THOC6: variants seen among roughly 807,000 people sequenced by gnomAD.
THOC6 encodes THO complex subunit 6.
Under a neutral mutation model 55.8 loss-of-function variants are expected in THOC6, and 39 were observed. That is an observed-to-expected ratio of 0.70 (90% CI 0.54 to 0.91). THOC6 has a LOEUF of 0.91. Ranked by LOEUF, THOC6 falls within the 40% of genes least tolerant of loss-of-function variation. THOC6 has a pLI of 0.00. For missense variants in THOC6, 482 were observed against 442.0 expected, an observed-to-expected ratio of 1.09 and a Z score of -0.81; for synonymous variants, 192 against 175.6, an observed-to-expected ratio of 1.09 and a Z score of -0.74.
Position 3,027,329 on chromosome 16 carries a change from AG to A in THOC6, c.811-36del, listed in dbSNP as rs776891148. 2.5e-6 allele frequency: 4 copies of A among 1,614,034 alleles called. 1 individual carries two copies. The Middle Eastern group carries it at 4.9e-4, about 200-fold the overall frequency. Reference sequence around the variant, plus strand: ...GCCACCCCCACTGACTCTTCCCTTCAGTCCTGACCCCTGAGCACCTTCCCTG... The same window carrying A: ...GCCACCCCCACTGACTCTTCCCTTCATCCTGACCCCTGAGCACCTTCCCTG... On this transcript the variant is annotated intron_variant, in intron 11 of 12. Coordinates refer to ENST00000326266, the MANE Select transcript of THOC6 (RefSeq NM_024339.5).
At chr16:3,025,332 G>C (rs1410785373) in intron 1 of THOC6, among the ~76,000 whole-genome samples, 1 of 152,218 alleles carries the variant, frequency 6.6e-6, no homozygotes. Context: ...TGGATTACAG[G>C]CATGAACCAC....
At position 3,025,920 on chromosome 16, in the gene THOC6, G is replaced by A. The variant is rs769298811; in HGVS notation, c.156-4G>A. ...CTCCTGGGTCCCCTCCGCTGTCCCT[G>A]CAGCTTGTCCTCTGCTTTGAGCTCA... is the stretch of plus-strand genomic sequence containing the variant. On this transcript the variant is annotated splice_region_variant and splice_polypyrimidine_tract_variant and intron_variant, in intron 2 of 12. Transcript: ENST00000326266. 2.5e-6 allele frequency: 4 copies of A among 1,614,212 alleles called. No individual in the cohort carries two copies. In the South Asian group the frequency reaches 4.4e-5, roughly 18 times the overall value.
rs762107456 is a variant in THOC6, at chr16:3,027,663, G to A, written c.*6G>A. 1 of 1,613,376 alleles carries A rather than the reference G, an allele frequency of 6.2e-7. No individual in the cohort carries two copies. Among genetic ancestry groups the A allele is most frequent in the Non-Finnish European group, 8.5e-7 (1 of 1,179,790 alleles). On this transcript the variant is annotated 3_prime_UTR_variant, in exon 13 of 13. Coordinates refer to ENST00000326266, the MANE Select transcript of THOC6 (RefSeq NM_024339.5). ...CCTTCTCCCTGTCCTTCTGATCTCTGACGACACCCCCAGCCAGCTCAGGGT... is the reference window on the plus strand; with the variant it reads ...CCTTCTCCCTGTCCTTCTGATCTCTAACGACACCCCCAGCCAGCTCAGGGT...
intron 1 of THOC6, among the ~76,000 whole-genome samples, chr16:3,025,331 G>T (rs1302973712): frequency 6.6e-6 from 1 of 152,142 alleles, no homozygotes; most frequent in Non-Finnish European, 1.5e-5. Context: ...CTGGATTACA[G>T]GCATGAACCA....
intron 7 of THOC6, 24 bp from the exon 8 acceptor site, chr16:3,026,655 C>T: frequency 6.2e-7 from 1 of 1,610,678 alleles, no homozygotes; most frequent in Non-Finnish European, 8.5e-7. Context: ...AGGTCTCCTC[C>T]TGACATCGCC....
Position 3,025,631 on chromosome 16 carries a change from T to C in THOC6, c.40-77T>C. The stretch of plus-strand genomic sequence containing the variant: ...GGACAGTGGGAGGCCTGGCAGGTTT[T>C]GGGGGAAGCAGGGAGGAATCTGTGG... On this transcript the variant is annotated intron_variant, in intron 1 of 12. Transcript: ENST00000326266. The C allele has an allele frequency of 3.6e-6, 5 of 1,402,250 alleles. No homozygotes were observed. The South Asian group carries it at 5.9e-5, about 17-fold the overall frequency. The allele number at this position is 1,402,250 out of a possible 1,614,324, so 86.9% of individuals were successfully genotyped here.
In THOC6 at chr16:3,027,183, G is replaced by A. The variant is rs765990077; in HGVS notation, c.713G>A (p.Gly238Asp). Residue 238 changes from glycine to aspartate, a missense_variant, in exon 11 of 13, where the codon GGC becomes GAC. Transcript: ENST00000326266. ...CTTTCTGTCCAGGTCTGTGGAGGGG[G>A]CCCAGCCCTCACCCTCTGGCACCTC... ...TDSDWMVCGGGPALTLWHLRS... is the reference protein window; with the variant it reads ...TDSDWMVCGGDPALTLWHLRS... 1.2e-6 allele frequency: 2 copies of A among 1,614,068 alleles called. No homozygotes were observed. The highest frequency in any genetic ancestry group is 1.7e-6 in the Non-Finnish European group (2 of 1,180,004).
Position 3,026,173 on chromosome 16 carries a change from A to G in THOC6, c.324+7A>G. The G allele has an allele frequency of 1.2e-6, 2 of 1,611,588 alleles. No homozygotes were observed. The highest frequency in any genetic ancestry group is 1.7e-6 in the Non-Finnish European group (2 of 1,178,252). On this transcript the variant is annotated splice_region_variant and intron_variant, in intron 4 of 12. Transcript: ENST00000326266. Reference sequence around the variant, plus strand: ...GGCGGAGATGCTCAAGAAGGTAAGGAGTCGAGCTTGGGAAAGGGCTGGGGT... The same window carrying G: ...GGCGGAGATGCTCAAGAAGGTAAGGGGTCGAGCTTGGGAAAGGGCTGGGGT...
rs200460526 is a variant in THOC6 at position 3,026,269 on chromosome 16, C to T, written c.343C>T (p.Arg115Cys). Residue 115 changes from arginine to cysteine, a missense_variant, in exon 5 of 13, where the codon CGT (arginine) becomes TGT (cysteine). Transcript: ENST00000326266. ...TTTGAAGGGCTGTAAGGAGCTGTGG[C>T]GTCGTCAGCCTCCATACAGGTGAGC... ...MLKKGCKELW[R>C]RQPPYRTSLE... The T allele has an allele frequency of 1.2e-4, 195 of 1,613,982 alleles. No homozygotes were observed. The highest frequency in any genetic ancestry group is 2.4e-4 in the East Asian group (11 of 44,898).
rs764148473 is a variant in THOC6, at chr16:3,024,340, T to C, written c.14T>C (p.Val5Ala). 6.2e-7 allele frequency: 1 copy of C among 1,613,966 alleles called. No individual in the cohort carries two copies. The highest frequency in any genetic ancestry group is 8.5e-7 in the Non-Finnish European group (1 of 1,179,998). MERAVPLAVPLGQTE... is the reference protein window; with the variant it reads MERAAPLAVPLGQTE... ...GTAGTTCTGGAGATGGAGCGAGCTG[T>C]GCCGCTCGCGGTGCCTCTGGGTCAG... Residue 5 changes from valine to alanine, a missense_variant, in exon 1 of 13, where the codon GTG becomes GCG. Val to Ala is a moderately conservative substitution (Grantham distance 64). Transcript: ENST00000326266.
chr16:3,026,736 C>G lies in THOC6; in HGVS notation c.541C>G (p.Pro181Ala). Residue 181 changes from proline to alanine, a missense_variant, in exon 8 of 13, where the codon CCA (proline) becomes GCA (alanine). By Grantham distance (27) the Pro-to-Ala change is conservative (BLOSUM62 -1). Transcript: ENST00000326266. ...CTGCCTGGCACTGCGGGAAAGGAGC[C>G]CAGAGGTGCTGTCAGGTGGCGAGGA... Reference protein sequence around the residue: ...IHCLALRERSPEVLSGGEDGA... With the variant: ...IHCLALRERSAEVLSGGEDGA... 6.2e-7 allele frequency: 1 copy of G among 1,613,920 alleles called. No homozygotes were observed. Among genetic ancestry groups the G allele is most frequent in the South Asian group, 1.1e-5 (1 of 91,060 alleles).
chr16:3,024,823 CAG>C (rs1290225405), intron 1 of THOC6, among the ~76,000 whole-genome samples: 1 of 151,380 alleles, frequency 6.6e-6, no homozygotes, highest in East Asian at 1.9e-4. Flanking sequence ...TTAGTAGAGA[CAG>C]GGTTTCACCA....
At position 3,026,394 on chromosome 16, in the gene THOC6, C is replaced by T; in HGVS notation, c.392C>T (p.Ala131Val). Residue 131 changes from alanine (A) to valine (V), a missense_variant, in exon 6 of 13, where the codon GCT becomes GTT. By Grantham distance (64) the Ala-to-Val change is moderately conservative. Coordinates refer to ENST00000326266, the MANE Select transcript of THOC6 (RefSeq NM_024339.5). ...RTSLEVPEIN[A>V]LLLVPKENSL... ...AGCCTGGAAGTGCCTGAGATCAACG[C>T]TTTGCTGCTGGTCCCCAAGGTCTGA... 6.2e-7 allele frequency: 1 copy of T among 1,614,102 alleles called. No individual in the cohort carries two copies. The highest frequency in any genetic ancestry group is 8.5e-7 in the Non-Finnish European group (1 of 1,180,028).
Position 3,027,065 on chromosome 16 carries a change from G to C in THOC6, c.691G>C (p.Asp231His). The C allele has an allele frequency of 1.2e-6, 2 of 1,614,168 alleles. No homozygotes were observed. The highest frequency in any genetic ancestry group is 2.7e-5 in the African/African-American group (2 of 75,034). Residue 231 changes from aspartate to histidine, a missense_variant, in exon 10 of 13, where the codon GAC becomes CAC. Coordinates refer to ENST00000326266, the MANE Select transcript of THOC6 (RefSeq NM_024339.5). The part of the protein sequence containing the change: ...RWIGCLATDS[D>H]WMVCGGGPAL... ...GATTGGATGTTTGGCAACTGATTCC[G>C]ACTGGATGGTGAGCTGGGCAGACTG...
At position 3,027,356 on chromosome 16, in the gene THOC6, TCC is replaced by T. The variant is rs765683635; in HGVS notation, c.811-9_811-8del. The stretch of plus-strand genomic sequence containing the variant: ...TCCTGACCCCTGAGCACCTTCCCTG[TCC>T]TCTGCAGATTCTGTCAGCTGGCCAG... On this transcript the variant is annotated splice_polypyrimidine_tract_variant and splice_region_variant and intron_variant, in intron 11 of 12. Coordinates refer to ENST00000326266, the MANE Select transcript of THOC6 (RefSeq NM_024339.5). The T allele has an allele frequency of 1.1e-5, 18 of 1,613,386 alleles. No homozygotes were observed. Among genetic ancestry groups the T allele is most frequent in the Non-Finnish European group, 1.7e-6 (2 of 1,179,564 alleles).
rs377443811 is a variant in THOC6, at chr16:3,026,051, A to C, written c.221-12A>C. On this transcript the variant is annotated splice_polypyrimidine_tract_variant and intron_variant, in intron 3 of 12. Transcript: ENST00000326266. Reference sequence around the variant, plus strand: ...GTGGGATTGGCTCACTCAGTTCTGCATTTCTCTTTAGCCCATGATGGGCCC... The same window carrying C: ...GTGGGATTGGCTCACTCAGTTCTGCCTTTCTCTTTAGCCCATGATGGGCCC... The C allele has an allele frequency of 5.6e-6, 9 of 1,613,528 alleles. No individual in the cohort carries two copies. The highest frequency in any genetic ancestry group is 5.9e-6 in the Non-Finnish European group (7 of 1,179,598).
rs2072825231 is a variant in THOC6 at position 3,027,358 on chromosome 16, C to T, written c.811-8C>T. On this transcript the variant is annotated splice_region_variant and splice_polypyrimidine_tract_variant and intron_variant, in intron 11 of 12. Transcript: ENST00000326266. ...CTGACCCCTGAGCACCTTCCCTGTCCTCTGCAGATTCTGTCAGCTGGCCAG... is the reference window on the plus strand; with the variant it reads ...CTGACCCCTGAGCACCTTCCCTGTCTTCTGCAGATTCTGTCAGCTGGCCAG... 6.2e-7 allele frequency: 1 copy of T among 1,613,210 alleles called. No individual in the cohort carries two copies. The highest frequency in any genetic ancestry group is 8.5e-7 in the Non-Finnish European group (1 of 1,179,546).
chr16:3,025,895 C>G, intron 2 of THOC6, 29 bp from the exon 3 acceptor site: 8 of 1,614,246 alleles, frequency 5.0e-6, no homozygotes, highest in Non-Finnish European at 6.8e-6. Context: ...CCGTTTCTGA[C>G]TCCTGGGTCC....
intron 11 of THOC6, 27 bp downstream of exon 11, chr16:3,027,307 A>C (rs1158902358): frequency 3.1e-6 from 5 of 1,613,844 alleles, no homozygotes; most frequent in Non-Finnish European, 4.2e-6. Flanking sequence ...CACTTCTGCC[A>C]CCCCCACTGA....
Sources: allele counts gnomAD v4.1 joint callset (sites outside exome capture counted in the v4.1 genomes callset), GRCh38; gene constraint gnomAD v4.1.1; transcripts MANE v1.5; gene names NCBI Gene and HGNC (gene_info 2026-07-23, HGNC 2026-07-21).